SPDYE4: variants seen among roughly 807,000 people sequenced by gnomAD.
SPDYE4 encodes speedy protein E4.
In SPDYE4, 30 loss-of-function variants were observed where a neutral mutation model predicts 37.5. The ratio of observed to expected loss-of-function variants is 0.80; its 90% CI spans 0.60 to 1.09. The LOEUF is 1.09. Among genes scored for constraint, SPDYE4 ranks in the 50% least tolerant of loss-of-function variants. The pLI is 0.00. For missense variants in SPDYE4, 300 were observed against 307.9 expected, an observed-to-expected ratio of 0.97 and a Z score of 0.19; for synonymous variants, 131 against 120.3, an observed-to-expected ratio of 1.09 and a Z score of -0.58.
chr17:8,758,162 C>T (rs377425146), intron 1 of SPDYE4, 112 bp downstream of exon 1: 16 of 888,600 alleles, frequency 1.8e-5, no homozygotes, highest in African/African-American at 3.4e-5. Context: ...TTCCTGAGTC[C>T]GTCGTTTCTT....
chr17:8,755,555 C>A lies in SPDYE4; in HGVS notation c.450G>T (p.Ser150=), dbSNP rs753894197. The A allele has an allele frequency of 2.5e-6, 4 of 1,612,044 alleles. No individual in the cohort carries two copies. In the East Asian group the frequency reaches 6.7e-5, roughly 27 times the overall value. Residue 150 remains serine, a synonymous_variant, in exon 4 of 7, where the codon TCG becomes TCT. Coordinates refer to ENST00000689094, the MANE Select transcript of SPDYE4 (RefSeq NM_001394956.1). ...AGAAATGAATGCGTTGGTATTGCCA[C>A]GAGAAGAGGCCGGCACGGCTAAAAT... The part of the protein sequence containing the change: ...IAYFSRAGLF[S]WQYQRIHFFL...
In SPDYE4 at chr17:8,757,302, G is replaced by T. The variant is rs371974393; in HGVS notation, c.300C>A (p.Ser100=). 6.2e-7 allele frequency: 1 copy of T among 1,605,070 alleles called. No homozygotes were observed. Among genetic ancestry groups the T allele is most frequent in the Non-Finnish European group, 8.5e-7 (1 of 1,175,692 alleles). Residue 100 remains serine (S), a synonymous_variant, in exon 2 of 7, where the codon TCC becomes TCA. Coordinates refer to ENST00000689094, the MANE Select transcript of SPDYE4 (RefSeq NM_001394956.1). Reference sequence around the variant, plus strand: ...AGGCCTCGTGGTGCTCAGGGAGCACGGAGGATGCTCGCTTTCGCTTCAGCT... The same window carrying T: ...AGGCCTCGTGGTGCTCAGGGAGCACTGAGGATGCTCGCTTTCGCTTCAGCT... The part of the protein sequence containing the change: ...KMKLKRKRAS[S]VLPEHHEAFN...
In SPDYE4 at chr17:8,751,769, G is replaced by T. The variant is rs184947021; in HGVS notation, c.*513C>A. Among the ~76,000 whole-genome samples, 2 of 152,058 alleles carry T rather than the reference G, an allele frequency of 1.3e-5. No individual in the cohort carries two copies. Among genetic ancestry groups the T allele is most frequent in the South Asian group, 4.2e-4 (2 of 4,816 alleles). ...AAATCAACCTAGTAATAATTCTATG[G>T]CCAACATTTGAAAAATAAACCAACA... On this transcript the variant is annotated 3_prime_UTR_variant, in exon 7 of 7. Coordinates refer to ENST00000689094, the MANE Select transcript of SPDYE4 (RefSeq NM_001394956.1).
At chr17:8,757,729 T>C (rs939478160) in intron 1 of SPDYE4, among the ~76,000 whole-genome samples, 2 of 151,724 alleles carry the variant, frequency 1.3e-5, no homozygotes, top group Non-Finnish European at 1.5e-5. Context: ...GAACTTTCAA[T>C]TGGAGAAAAA....
At chr17:8,753,281 A>AACCCCCCCCCCCCC in intron 5 of SPDYE4, 40 bp downstream of exon 5, 3 of 388,124 alleles carry the variant, frequency 7.7e-6, no homozygotes, top group Non-Finnish European at 1.1e-5. Flanking sequence ...AGTCCACCCC[A>AACCCCCCCCCCCCC]TCCCTCCCCA....
rs1412320150 is a variant in SPDYE4 at position 8,757,350 on chromosome 17, C to T, written c.252G>A (p.Glu84=). ...GCTTCATCTTGAGCCCACACAGCGT[C>T]TCCACCACCCAGGTGTCCTCGGGCT... ...APEPEDTWVV[E]TLCGLKMKLK... is the part of the protein sequence containing the mutation. The change falls in exon 2 of 7, where the codon GAG becomes GAA. Residue 84 remains glutamate (E), a synonymous_variant. Coordinates refer to ENST00000689094, the MANE Select transcript of SPDYE4 (RefSeq NM_001394956.1). The T allele has an allele frequency of 3.1e-6, 5 of 1,600,464 alleles. No homozygotes were observed. Among genetic ancestry groups the T allele is most frequent in the East Asian group, 2.3e-5 (1 of 44,424 alleles).
chr17:8,756,277 T>C (rs937116658), intron 3 of SPDYE4, 101 bp downstream of exon 3: 4 of 1,074,082 alleles, frequency 3.7e-6, no homozygotes, highest in Admixed American at 2.1e-5. Context: ...AGGTGGGAGA[T>C]GGTAGAGGGA....
chr17:8,757,602 G>T, intron 1 of SPDYE4, 110 bp from the exon 2 acceptor site: 1 of 1,122,628 alleles, frequency 8.9e-7, no homozygotes, highest in Non-Finnish European at 1.3e-6. Context: ...CTCGCAGACT[G>T]TCAGCTTCTC....
Position 8,751,335 on chromosome 17 carries a change from A to G in SPDYE4, c.*947T>C, listed in dbSNP as rs1031517040. 1.3e-5 allele frequency among the ~76,000 whole-genome samples: 2 copies of G among 152,254 alleles called. No individual in the cohort carries two copies. Among genetic ancestry groups the G allele is most frequent in the African/African-American group, 2.4e-5 (1 of 41,470 alleles). On this transcript the variant is annotated 3_prime_UTR_variant, in exon 7 of 7. Coordinates refer to ENST00000689094, the MANE Select transcript of SPDYE4 (RefSeq NM_001394956.1). ...ATTTCTAAACTAGTTAAATAAATGT[A>G]GTAATAATGCCATGCCCATCATTTT...
rs1236052514 is a variant in SPDYE4 at position 8,758,510 on chromosome 17, G to C, written c.-128C>G. On this transcript the variant is annotated 5_prime_UTR_variant, in exon 1 of 7. Transcript: ENST00000689094. ...TCTAGAGGCTCGGGAGAAGTTAGGA[G>C]TGAAGAGTAGTTCTGAGAAGTTGCT... 3.5e-5 allele frequency: 30 copies of C among 849,860 alleles called. No individual in the cohort carries two copies. The East Asian group carries it at 8.1e-4, about 23-fold the overall frequency. The allele number at this position is 849,860 out of a possible 1,614,324, so 52.6% of individuals were successfully genotyped here.
intron 1 of SPDYE4, among the ~76,000 whole-genome samples, 189 bp from the exon 2 acceptor site, chr17:8,757,681 G>A (rs558280966): frequency 2.0e-5 from 3 of 151,954 alleles, no homozygotes; most frequent in Admixed American, 6.5e-5. Flanking sequence ...CCATTCTTCC[G>A]GCTCTCTGTC....
chr17:8,753,465 C>T lies in SPDYE4; in HGVS notation c.510G>A (p.Glu170=). Residue 170 remains glutamate, a synonymous_variant, in exon 5 of 7, where the codon GAG becomes GAA. Coordinates refer to ENST00000689094, the MANE Select transcript of SPDYE4 (RefSeq NM_001394956.1). The part of the protein sequence containing the change: ...LALYLASDME[E]DNQAPKQDIF... ...TGTCTTGTTTCGGGGCCTGGTTGTC[C>T]TCCTCCATGTCACTGGCCAGGTAGC... The T allele has an allele frequency of 1.2e-6, 2 of 1,613,688 alleles. No individual in the cohort carries two copies. The highest frequency in any genetic ancestry group is 2.2e-5 in the East Asian group (1 of 44,868).
In SPDYE4 at chr17:8,753,430, AAGG is replaced by A. The variant is rs779074461; in HGVS notation, c.542_544del (p.Ser181del). 1 of 1,610,890 alleles carries A rather than the reference AAGG, an allele frequency of 6.2e-7. No homozygotes were observed. The highest frequency in any genetic ancestry group is 1.1e-5 in the South Asian group (1 of 90,624). On this transcript the variant is annotated inframe_deletion, in exon 5 of 7. Coordinates refer to ENST00000689094, the MANE Select transcript of SPDYE4 (RefSeq NM_001394956.1). ...CTGGGAGTAGTTCTTCCCGTAGAGG[AAGG>A]AGAAGATGTCTTGTTTCGGGGCCTG... is the stretch of plus-strand genomic sequence containing the variant.
intron 5 of SPDYE4, 58 bp downstream of exon 5, chr17:8,753,263 C>T: frequency 6.2e-7 from 1 of 1,608,784 alleles, no homozygotes. Context: ...TGCCCTCCTC[C>T]AGCCTCCAGT....
At chr17:8,753,028 T>G in intron 6 of SPDYE4, 66 bp downstream of exon 6, 1 of 1,325,736 alleles carries the variant, frequency 7.5e-7, no homozygotes, top group Non-Finnish European at 1.1e-6. Flanking sequence ...GATCAAGCAG[T>G]TGAGTTCCTT....
At chr17:8,749,399 G>C (rs1042033040), downstream of SPDYE4, among the ~76,000 whole-genome samples, 1 of 152,074 alleles carries the variant, frequency 6.6e-6, no homozygotes, top group Non-Finnish European at 1.5e-5. Context: ...GAGTAGCTGG[G>C]ACTACAGGCG....
intron 3 of SPDYE4, 143 bp downstream of exon 3, chr17:8,756,234 CA>C (rs1308073171): frequency 2.7e-6 from 2 of 753,274 alleles, no homozygotes; most frequent in Admixed American, 2.5e-5. Context: ...AAATAAAAAT[CA>C]AAATGTGGGC....
At chr17:8,756,247 C>T in intron 3 of SPDYE4, 131 bp downstream of exon 3, 1 of 843,422 alleles carries the variant, frequency 1.2e-6, no homozygotes. Flanking sequence ...AATGTGGGCG[C>T]CCAAGAGTAT....
At chr17:8,748,791 T>C (rs2086707243), downstream of SPDYE4, among the ~76,000 whole-genome samples, 1 of 152,234 alleles carries the variant, frequency 6.6e-6, no homozygotes, top group African/African-American at 2.4e-5. Context: ...TAATCCTGTA[T>C]TTTTCATGCT....
Sources: allele counts gnomAD v4.1 joint callset (sites outside exome capture counted in the v4.1 genomes callset), GRCh38; gene constraint gnomAD v4.1.1; transcripts MANE v1.5; gene names NCBI Gene and HGNC (gene_info 2026-07-23, HGNC 2026-07-21).